MTR: variants seen among roughly 807,000 people sequenced by gnomAD.
MTR encodes 5-methyltetrahydrofolate-homocysteine methyltransferase, also known as methionine synthase.
MTR carries 84 observed loss-of-function variants against 154.8 expected under a neutral mutation model. The observed-to-expected ratio is 0.54, with a 90% CI of 0.45 to 0.65. The LOEUF (loss-of-function observed/expected upper bound fraction) is 0.65. Among genes scored for constraint, MTR ranks in the 30% least tolerant of loss-of-function variants. MTR has a pLI of 0.00. For missense variants in MTR, 1,275 were observed against 1,570.2 expected, an observed-to-expected ratio of 0.81 and a Z score of 3.18; for synonymous variants, 554 against 553.9, an observed-to-expected ratio of 1.00 and a Z score of 0.00.
intron 16 of MTR, among the ~76,000 whole-genome samples, chr1:236,851,506 T>C (rs1663902172): frequency 6.6e-6 from 1 of 152,220 alleles, no homozygotes; most frequent in African/African-American, 2.4e-5. Flanking sequence ...ACAGTAAATA[T>C]TAGATACAGC....
intron 1 of MTR, among the ~76,000 whole-genome samples, chr1:236,799,679 A>G: frequency 6.6e-6 from 1 of 152,322 alleles, no homozygotes; most frequent in East Asian, 1.9e-4. Flanking sequence ...ATAAGAAAAC[A>G]AATTAGCTTT....
Position 236,897,815 on chromosome 1 carries a change from T to C in MTR, c.*171T>C. The C allele has an allele frequency of 1.6e-6, 1 of 642,890 alleles. No homozygotes were observed. Among genetic ancestry groups the C allele is most frequent in the South Asian group, 1.9e-5 (1 of 53,440 alleles). The allele number at this position is 642,890 out of a possible 1,614,324, so 39.8% of individuals were successfully genotyped here. A position where few individuals can be genotyped will look rare whatever the true frequency, so the allele number is the denominator to read the frequency against. Reference sequence around the variant, plus strand: ...ACCTTGTAGAGGAGCAGGGTCTTCCTGCAGTGCCTGGAAAACAGGCGCTGT... The same window carrying C: ...ACCTTGTAGAGGAGCAGGGTCTTCCCGCAGTGCCTGGAAAACAGGCGCTGT... On this transcript the variant is annotated 3_prime_UTR_variant, in exon 33 of 33. Coordinates refer to ENST00000366577, the MANE Select transcript of MTR (RefSeq NM_000254.3).
intron 11 of MTR, among the ~76,000 whole-genome samples, chr1:236,827,186 A>G (rs930457670): frequency 1.3e-5 from 2 of 152,212 alleles, no homozygotes; most frequent in Admixed American, 1.3e-4. Flanking sequence ...AGACACAGGG[A>G]AGAATAGCTA....
Position 236,850,378 on chromosome 1 carries a change from C to G in MTR, c.1550C>G (p.Thr517Ser). ...TETDTKIRVC[T>S]RAYHLLVKKL... ...ACAGACACAAAAATCAGAGTGTGCA[C>G]CCGGGCCTACCATCTGCTTGTGAAA... The change falls in exon 16 of 33, where the codon ACC becomes AGC. Residue 517 changes from threonine (T) to serine (S), a missense_variant. Physicochemically the swap from Thr to Ser is moderately conservative, Grantham distance 58 (BLOSUM62 1). Coordinates refer to ENST00000366577, the MANE Select transcript of MTR (RefSeq NM_000254.3). The G allele has an allele frequency of 1.2e-6, 2 of 1,613,678 alleles. No homozygotes were observed. Among genetic ancestry groups the G allele is most frequent in the Non-Finnish European group, 1.7e-6 (2 of 1,179,884 alleles).
At chr1:236,835,813 C>A in intron 14 of MTR, 126 bp downstream of exon 14, 1 of 1,301,870 alleles carries the variant, frequency 7.7e-7, no homozygotes, top group Non-Finnish European at 1.1e-6. Flanking sequence ...ACATCGAAAA[C>A]AGGGTAGTTT....
At position 236,808,786 on chromosome 1, in the gene MTR, C is replaced by T. The variant is rs1254197974; in HGVS notation, c.409+13C>T. On this transcript the variant is annotated intron_variant, in intron 4 of 32. Transcript: ENST00000366577. ...ACTCTCCAGACAGGTAGGGAATGTT[C>T]TTCTCTTTTTTTGCACACGTGGTTC... 6.2e-7 allele frequency: 1 copy of T among 1,613,284 alleles called. No homozygotes were observed. Among genetic ancestry groups the T allele is most frequent in the Non-Finnish European group, 8.5e-7 (1 of 1,179,248 alleles).
intron 25 of MTR, among the ~76,000 whole-genome samples, chr1:236,883,863 CTTAA>C (rs1665883548): frequency 2.0e-5 from 3 of 152,130 alleles, no homozygotes; most frequent in Non-Finnish European, 4.4e-5. Flanking sequence ...GTCTGACTTC[CTTAA>C]GTTCAGATGA....
At chr1:236,826,533 T>C (rs994895439) in intron 10 of MTR, among the ~76,000 whole-genome samples, 2 of 152,290 alleles carry the variant, frequency 1.3e-5, no homozygotes, top group African/African-American at 4.8e-5. Context: ...TGGCCTCAAG[T>C]GATCCTCCTG....
intron 7 of MTR, 95 bp downstream of exon 7, chr1:236,815,758 G>A (rs1267887208): frequency 8.2e-6 from 10 of 1,220,184 alleles, no homozygotes; most frequent in South Asian, 4.9e-5. Flanking sequence ...AACTATTAAT[G>A]GTATCTTTAG....
At chr1:236,887,232 G>C (rs1469427334) in intron 27 of MTR, among the ~76,000 whole-genome samples, 2 of 152,192 alleles carry the variant, frequency 1.3e-5, no homozygotes, top group Non-Finnish European at 2.9e-5. Flanking sequence ...AATTGGAAAT[G>C]TAGGTGTGCT....
At chr1:236,869,715 T>TTGTG (rs1665018708) in intron 22 of MTR, among the ~76,000 whole-genome samples, 1 of 151,360 alleles carries the variant, frequency 6.6e-6, no homozygotes, top group Non-Finnish European at 1.5e-5. Flanking sequence ...GTGGTAGAGG[T>TTGTG]GAGAGGGATG....
intron 15 of MTR, among the ~76,000 whole-genome samples, chr1:236,843,700 C>T (rs1663397111): frequency 6.6e-6 from 1 of 152,098 alleles, no homozygotes; most frequent in African/African-American, 2.4e-5. Context: ...ATATTTTTAA[C>T]ATAGAGCCAA....
intron 6 of MTR, among the ~76,000 whole-genome samples, chr1:236,813,730 A>G (rs1661437796): frequency 6.6e-6 from 1 of 152,068 alleles, no homozygotes; most frequent in Non-Finnish European, 1.5e-5. Flanking sequence ...TTTAAAATTG[A>G]GTCCTTTACT....
chr1:236,836,069 T>C (rs1662888226), intron 14 of MTR, among the ~76,000 whole-genome samples: 1 of 152,200 alleles, frequency 6.6e-6, no homozygotes, highest in Non-Finnish European at 1.5e-5. Flanking sequence ...GAGAGAACTT[T>C]TAGGCTTATC....
At position 236,899,285 on chromosome 1, in the gene MTR, A is replaced by G. The variant is rs1202983511; in HGVS notation, c.*1641A>G. On this transcript the variant is annotated 3_prime_UTR_variant, in exon 33 of 33. Coordinates refer to ENST00000366577, the MANE Select transcript of MTR (RefSeq NM_000254.3). ...GGGACACGCACCCTATGTGATACCA[A>G]GTTTTATTGTCAAGACAGTGTCATG... The G allele has an allele frequency of 6.6e-6, 1 of 152,200 alleles. No individual in the cohort carries two copies. The highest frequency in any genetic ancestry group is 2.4e-5 in the African/African-American group (1 of 41,448). The allele number at this position is 152,200 out of a possible 1,614,324, so 9.4% of individuals were successfully genotyped here. A position where few individuals can be genotyped will look rare whatever the true frequency, so the allele number is the denominator to read the frequency against.
Position 236,861,176 on chromosome 1 carries a change from A to G in MTR, c.2095A>G (p.Lys699Glu), listed in dbSNP as rs181920088. ...EDTEEARLNQ[K>E]KYPRPLNIIE... ...TACTGAGGAAGCCAGGTTAAACCAA[A>G]AAAAATATCCCCGACCTCTCAATAT... The change falls in exon 20 of 33, where the codon AAA becomes GAA. Residue 699 changes from lysine (K) to glutamate (E), a missense_variant. By Grantham distance (56) the Lys-to-Glu change is moderately conservative. Coordinates refer to ENST00000366577, the MANE Select transcript of MTR (RefSeq NM_000254.3). 1 of 1,613,092 alleles carries G rather than the reference A, an allele frequency of 6.2e-7. No individual in the cohort carries two copies. Among genetic ancestry groups the G allele is most frequent in the East Asian group, 2.2e-5 (1 of 44,844 alleles).
chr1:236,868,142 T>A (rs1340168551), intron 22 of MTR, among the ~76,000 whole-genome samples: 1 of 152,154 alleles, frequency 6.6e-6, no homozygotes, highest in East Asian at 1.9e-4. Context: ...GTCGTCTTAT[T>A]TTGAGAAATT....
chr1:236,822,584 A>G (rs1432143579), intron 8 of MTR, among the ~76,000 whole-genome samples: 2 of 152,168 alleles, frequency 1.3e-5, no homozygotes, highest in African/African-American at 4.8e-5. Flanking sequence ...TGCTGAGATT[A>G]CAGGCATGAG....
chr1:236,865,525 G>C (rs1664775528), intron 22 of MTR, among the ~76,000 whole-genome samples: 1 of 152,086 alleles, frequency 6.6e-6, no homozygotes, highest in African/African-American at 2.4e-5. Flanking sequence ...TTCTTTCCTG[G>C]CTTTTTATCA....
Sources: gnomAD v4.1 joint callset for allele counts (sites outside exome capture counted in the v4.1 genomes callset) on GRCh38, gnomAD v4.1.1 for gene constraint, MANE v1.5 for transcripts, NCBI Gene and HGNC (gene_info 2026-07-23, HGNC 2026-07-21) for gene names.